Variants in UMAD1 observed in about 807,000 individuals in gnomAD.
UMAD1 encodes the protein UBAP1-MVB12-associated (UMA) domain containing 1, also known as UBAP1-MVB12-associated (UMA)-domain containing protein 1.
Under a neutral mutation model 6.1 loss-of-function variants are expected in UMAD1, and 8 were observed. The ratio of observed to expected loss-of-function variants is 1.30; its 90% CI spans 0.76 to 2.35. The LOEUF (loss-of-function observed/expected upper bound fraction) is 2.35, where lower values mean the gene tolerates loss of function less well. UMAD1 is among the 30% of genes most tolerant of loss of function. The pLI is 0.00. For synonymous variants in UMAD1, 56 were observed against 31.4 expected (o/e 1.78, Z -2.61); for missense variants, 130 against 78.4 (o/e 1.66, Z -2.49).
At chr7:7,858,176 A>G (rs1365121031) in intron 3 of UMAD1, among the ~76,000 whole-genome samples, 3 of 152,252 alleles carry the variant, frequency 2.0e-5, no homozygotes, top group African/African-American at 4.8e-5. Flanking sequence ...GTGTGAACTG[A>G]TAACGGTGGT....
intron 2 of UMAD1, among the ~76,000 whole-genome samples, chr7:7,780,427 A>AT (rs543696721): frequency 1.1e-4 from 17 of 152,236 alleles, no homozygotes; most frequent in African/African-American, 3.6e-4. Context: ...TTATAGCTTG[A>AT]TTTTTTTCCT....
chr7:7,674,474 C>A (rs1407682649), intron 2 of UMAD1, among the ~76,000 whole-genome samples: 2 of 152,106 alleles, frequency 1.3e-5, no homozygotes, highest in African/African-American at 4.8e-5. Context: ...TTCTGGCAGG[C>A]CTGTTGTTTT....
At chr7:7,840,458 T>C (rs1783658178) in intron 3 of UMAD1, among the ~76,000 whole-genome samples, 1 of 149,384 alleles carries the variant, frequency 6.7e-6, no homozygotes, top group South Asian at 2.1e-4. Context: ...GCTCCCTGAG[T>C]GATTGTAGCG....
intron 2 of UMAD1, among the ~76,000 whole-genome samples, chr7:7,717,786 T>A (rs1490129320): frequency 6.6e-6 from 1 of 152,236 alleles, no homozygotes; most frequent in Non-Finnish European, 1.5e-5. Context: ...GAGCATGAGT[T>A]TGAAATTTTG....
At chr7:7,778,991 C>T (rs1246372790) in intron 2 of UMAD1, among the ~76,000 whole-genome samples, 2 of 152,142 alleles carry the variant, frequency 1.3e-5, no homozygotes, top group African/African-American at 2.4e-5. Context: ...CTATTATTAT[C>T]TTCATCATTT....
At chr7:7,794,601 ATAAGAC>A (rs1470528671) in intron 2 of UMAD1, among the ~76,000 whole-genome samples, 1 of 152,210 alleles carries the variant, frequency 6.6e-6, no homozygotes, top group Non-Finnish European at 1.5e-5. Flanking sequence ...AAGAGAGATT[ATAAGAC>A]TGACAAAACA....
intron 2 of UMAD1, among the ~76,000 whole-genome samples, chr7:7,771,927 A>G (rs1436166608): frequency 2.0e-5 from 3 of 152,160 alleles, no homozygotes; most frequent in East Asian, 3.8e-4. Flanking sequence ...AAAAATGTGC[A>G]TTAGATATTA....
At chr7:7,691,542 G>C (rs916463311) in intron 2 of UMAD1, among the ~76,000 whole-genome samples, 10 of 152,200 alleles carry the variant, frequency 6.6e-5, no homozygotes, top group Admixed American at 3.9e-4. Context: ...ACATTTCGAA[G>C]GAGAAGATGG....
intron 2 of UMAD1, among the ~76,000 whole-genome samples, chr7:7,734,464 A>G (rs78282699): frequency 0.081 from 12,275 of 152,158 alleles, 542 homozygotes; most frequent in African/African-American, 0.12. Flanking sequence ...TATCTTTTCT[A>G]TTTAATTAAG....
chr7:7,719,071 T>TA (rs57805142), intron 2 of UMAD1, among the ~76,000 whole-genome samples: 20 of 143,440 alleles, frequency 1.4e-4, no homozygotes, highest in African/African-American at 4.2e-4. Context: ...TTTATTGTGT[T>TA]AAAAAAAGCT....
chr7:7,641,339 G>C (rs1419465436), intron 1 of UMAD1, among the ~76,000 whole-genome samples: 1 of 152,158 alleles, frequency 6.6e-6, no homozygotes, highest in African/African-American at 2.4e-5. Context: ...GCCAGTACTA[G>C]GGGAGACAAG....
intron 2 of UMAD1, among the ~76,000 whole-genome samples, chr7:7,708,409 A>G (rs1478651810): frequency 6.6e-6 from 1 of 152,160 alleles, no homozygotes; most frequent in Non-Finnish European, 1.5e-5. Flanking sequence ...TTCTGTATTA[A>G]ACAGTTACCC....
At chr7:7,726,935 A>G (rs547758681) in intron 2 of UMAD1, among the ~76,000 whole-genome samples, 1 of 152,338 alleles carries the variant, frequency 6.6e-6, no homozygotes, top group African/African-American at 2.4e-5. Context: ...GAGGAGATCC[A>G]TAGGGTGTCT....
At chr7:7,844,182 C>A (rs2115317574) in intron 3 of UMAD1, among the ~76,000 whole-genome samples, 1 of 152,330 alleles carries the variant, frequency 6.6e-6, no homozygotes, top group Non-Finnish European at 1.5e-5. Flanking sequence ...CAGCATTTCC[C>A]ACATACCCTG....
At chr7:7,662,066 G>A (rs1785488049) in intron 1 of UMAD1, among the ~76,000 whole-genome samples, 1 of 152,198 alleles carries the variant, frequency 6.6e-6, no homozygotes, top group African/African-American at 2.4e-5. Flanking sequence ...GCTGTGGAGG[G>A]CTGTGCCCAG....
intron 2 of UMAD1, among the ~76,000 whole-genome samples, chr7:7,758,520 G>T: frequency 1.6e-5 from 1 of 62,670 alleles, no homozygotes; most frequent in East Asian, 4.6e-4. Context: ...AACATAGTGG[G>T]TGGATACTGT....
chr7:7,682,721 G>A lies in UMAD1; in HGVS notation c.82+9268G>A, dbSNP rs187631903. ...GGATTAAAAAGTAACTTACCCTATCGCTGTCTCCTTACCCACGTATCGGGA... is the reference window on the plus strand; with the variant it reads ...GGATTAAAAAGTAACTTACCCTATCACTGTCTCCTTACCCACGTATCGGGA... On this transcript the variant is annotated intron_variant, in intron 2 of 3. Coordinates refer to ENST00000682710, the MANE Select transcript of UMAD1 (RefSeq NM_001302348.2). Among the ~76,000 whole-genome samples, 3 of 152,238 alleles carry A rather than the reference G, an allele frequency of 2.0e-5. No individual in the cohort carries two copies. In the East Asian group the frequency reaches 5.8e-4, roughly 29 times the overall value.
intron 2 of UMAD1, among the ~76,000 whole-genome samples, chr7:7,726,425 A>G (rs1293692267): frequency 5.3e-5 from 8 of 152,246 alleles, no homozygotes; most frequent in Non-Finnish European, 1.0e-4. Context: ...TGATAGAATA[A>G]TGGAATGGCC....
intron 2 of UMAD1, among the ~76,000 whole-genome samples, chr7:7,734,738 C>A (rs1781317706): frequency 6.6e-6 from 1 of 152,080 alleles, no homozygotes. Flanking sequence ...AAAATAGTTA[C>A]CTATCATTTC....
Sources: gnomAD v4.1 joint callset for allele counts (sites outside exome capture counted in the v4.1 genomes callset) on GRCh38, gnomAD v4.1.1 for gene constraint, MANE v1.5 for transcripts, NCBI Gene and HGNC (gene_info 2026-07-23, HGNC 2026-07-21) for gene names.